TENM3: variants seen among roughly 807,000 people sequenced by gnomAD.
TENM3 encodes teneurin-3.
TENM3 carries 63 observed loss-of-function variants against 255.1 expected under a neutral mutation model. The ratio of observed to expected loss-of-function variants is 0.25; its 90% confidence interval spans 0.20 to 0.30. TENM3 has a LOEUF of 0.30. Among genes scored for constraint, TENM3 ranks in the 10% least tolerant of loss-of-function variants. The pLI, the probability that TENM3 is intolerant of heterozygous loss-of-function variation, is 1.00. For synonymous variants in TENM3, 1,306 were observed against 1,322.3 expected (o/e 0.99, Z 0.27); for missense variants, 2,929 against 3,461.1 (o/e 0.85, Z 3.86).
At chr4:182,091,402 C>G in the TENM3 span, among the ~76,000 whole-genome samples, 1 of 152,222 alleles carries the variant, frequency 6.6e-6, no homozygotes, top group African/African-American at 2.4e-5. Context: ...TCACTGGAAG[C>G]AAAAGCAACC....
At chr4:181,888,520 A>ATATATATATATATATATATATATATGTG in the TENM3 span, among the ~76,000 whole-genome samples, 1 of 92,208 alleles carries the variant, frequency 1.1e-5, no homozygotes, top group African/African-American at 5.4e-5. Context: ...ATATATGTAT[A>ATATATATATATATATATATATATATGTG]TATATACATA....
chr4:181,738,449 T>C, the TENM3 span, among the ~76,000 whole-genome samples: 1 of 152,190 alleles, frequency 6.6e-6, no homozygotes, highest in Non-Finnish European at 1.5e-5. Context: ...CTTTATTTTG[T>C]GCTTGTTGTT....
At chr4:182,675,410 G>C (rs183429647) in intron 7 of TENM3, among the ~76,000 whole-genome samples, 2 of 151,838 alleles carry the variant, frequency 1.3e-5, no homozygotes, top group Admixed American at 1.3e-4. Flanking sequence ...ACGTGGTAGC[G>C]CACACCTGTA....
rs747865928 is a variant in TENM3, at chr4:182,793,228, G to A, written c.6556G>A (p.Asp2186Asn). 1.4e-5 allele frequency: 23 copies of A among 1,613,950 alleles called. No homozygotes were observed. The highest frequency in any genetic ancestry group is 1.9e-5 in the Non-Finnish European group (23 of 1,179,834). The change falls in exon 26 of 28, where the codon GAT becomes AAT. Residue 2186 changes from aspartate (D) to asparagine (N), a missense_variant. Around this residue, in one of 6 missense-constraint regions of TENM3, gnomAD observed 256 missense variants for 389.3 expected, o/e 0.66. Transcript: ENST00000511685. This position sits in a 1 kb window ranked among gnomAD's most constrained non-coding sequence, Gnocchi z 5.7. Reference protein sequence around the residue: ...DLRDRITRLGDVQYRLDEDGF... With the variant: ...DLRDRITRLGNVQYRLDEDGF... ...GCGAGACAGAATCACTCGACTGGGT[G>A]ATGTTCAATATCGGTTGGATGAAGA...
chr4:182,193,375 A>G (rs1470448954), intron 1 of TENM3, among the ~76,000 whole-genome samples: 1 of 152,200 alleles, frequency 6.6e-6, no homozygotes, highest in African/African-American at 2.4e-5. Context: ...ATAATACTCA[A>G]ACTGACATCT....
chr4:182,307,044 A>G (rs2150396732), intron 1 of TENM3, among the ~76,000 whole-genome samples: 1 of 152,350 alleles, frequency 6.6e-6, no homozygotes, highest in South Asian at 2.1e-4. Flanking sequence ...AAATAATCCA[A>G]TGAAATGTGG....
chr4:182,251,617 A>T (rs1758020091), intron 1 of TENM3, among the ~76,000 whole-genome samples: 1 of 152,226 alleles, frequency 6.6e-6, no homozygotes, highest in African/African-American at 2.4e-5. Flanking sequence ...TGAACTTAAG[A>T]TATAAAATGA....
At chr4:182,720,528 T>C (rs940896001) in intron 13 of TENM3, among the ~76,000 whole-genome samples, 2 of 152,124 alleles carry the variant, frequency 1.3e-5, no homozygotes, top group Admixed American at 6.5e-5. Flanking sequence ...TACTGGATCC[T>C]ACCTAAAGTA....
rs183202629 is a variant in TENM3 at position 182,414,613 on chromosome 4, A to G, written c.511+67684A>G. Among the ~76,000 whole-genome samples, 286 of 152,322 alleles carry G rather than the reference A, an allele frequency of 1.9e-3. 4 individuals carry two copies. The highest frequency in any genetic ancestry group is 4.6e-3 in the Admixed American group (70 of 15,296). On this transcript the variant is annotated intron_variant, in intron 3 of 27. Transcript: ENST00000511685. The stretch of plus-strand genomic sequence containing the variant: ...GGTTTGAAGCAATGGATTGAAGTAA[A>G]TCTTTAAAATAGGAATTCTGATTCT...
chr4:181,655,683 T>C, the TENM3 span, among the ~76,000 whole-genome samples: 1 of 152,060 alleles, frequency 6.6e-6, no homozygotes, highest in East Asian at 1.9e-4. Flanking sequence ...TGTTATCCCA[T>C]TAAGACCTGA....
the TENM3 span, among the ~76,000 whole-genome samples, chr4:181,812,342 C>A: frequency 2.6e-5 from 4 of 152,152 alleles, no homozygotes; most frequent in African/African-American, 9.7e-5. Context: ...AGAAAACTAA[C>A]ATGAATGAAA....
intron 1 of TENM3, among the ~76,000 whole-genome samples, chr4:182,228,658 C>T (rs1281152903): frequency 6.6e-6 from 1 of 151,952 alleles, no homozygotes; most frequent in Non-Finnish European, 1.5e-5. Flanking sequence ...GACAACATAG[C>T]ATCAAGAAAG....
chr4:182,019,308 A>G, the TENM3 span, among the ~76,000 whole-genome samples: 1 of 152,152 alleles, frequency 6.6e-6, no homozygotes, highest in Non-Finnish European at 1.5e-5. Context: ...TCCTGCCACC[A>G]GCTTGTGGCC....
At chr4:182,200,125 G>A (rs1202623255) in intron 1 of TENM3, among the ~76,000 whole-genome samples, 3 of 152,124 alleles carry the variant, frequency 2.0e-5, no homozygotes, top group African/African-American at 4.8e-5. Context: ...CTCAAAGGAA[G>A]GCTCTAAAAG....
the TENM3 span, among the ~76,000 whole-genome samples, chr4:181,564,062 A>G: frequency 9.0e-6 from 1 of 110,794 alleles, no homozygotes; most frequent in Non-Finnish European, 1.7e-5. Flanking sequence ...TTTTTTTGAG[A>G]TAGAATCTCA....
the TENM3 span, among the ~76,000 whole-genome samples, chr4:181,983,017 C>T: frequency 6.6e-6 from 1 of 152,048 alleles, no homozygotes; most frequent in Non-Finnish European, 1.5e-5. Context: ...GAAGCCATTC[C>T]GTAGATTTGT....
chr4:182,457,314 C>G (rs1773955711), intron 3 of TENM3, among the ~76,000 whole-genome samples: 1 of 151,860 alleles, frequency 6.6e-6, no homozygotes, highest in Non-Finnish European at 1.5e-5. Context: ...GTAATCCAGA[C>G]TGGACATTTT....
the TENM3 span, among the ~76,000 whole-genome samples, chr4:181,843,995 G>A: frequency 2.0e-5 from 3 of 152,228 alleles, no homozygotes; most frequent in South Asian, 6.2e-4. Flanking sequence ...TGGGATTACA[G>A]ACATGAGCCA....
the TENM3 span, among the ~76,000 whole-genome samples, chr4:181,797,085 C>T: frequency 1.3e-5 from 2 of 152,038 alleles, no homozygotes; most frequent in Admixed American, 1.3e-4. Flanking sequence ...TTTACTATCT[C>T]AAAATATGCT....
Sources: gnomAD v4.1 joint callset for allele counts (sites outside exome capture counted in the v4.1 genomes callset) on GRCh38, gnomAD v4.1.1 for gene constraint, gnomAD v4.1.1 regional missense constraint, Gnocchi (gnomAD v3.1) non-coding constraint, MANE v1.5 for transcripts, NCBI Gene and HGNC (gene_info 2026-07-23, HGNC 2026-07-21) for gene names.